Variants in KCNC4 observed in about 807,000 individuals in gnomAD.
The protein encoded by KCNC4 is voltage-gated potassium channel KCNC4.
KCNC4 carries 23 observed loss-of-function variants against 42.8 expected under a neutral mutation model. The ratio of observed to expected loss-of-function variants is 0.54; its 90% confidence interval spans 0.39 to 0.76. The LOEUF (loss-of-function observed/expected upper bound fraction) is 0.76. Ranked by LOEUF, KCNC4 falls within the 30% of genes least tolerant of loss-of-function variation. KCNC4 has a pLI of 0.00. For synonymous variants in KCNC4, 422 were observed against 393.5 expected, an observed-to-expected ratio of 1.07 and a Z score of -0.86; for missense variants, 751 against 898.2, an observed-to-expected ratio of 0.84 and a Z score of 2.10.
At chr1:110,260,078 G>A (rs1659398828) in intron 1 of KCNC4, among the ~76,000 whole-genome samples, 1 of 152,194 alleles carries the variant, frequency 6.6e-6, no homozygotes, top group Non-Finnish European at 1.5e-5. Context: ...CACTATGGGG[G>A]AAAGTGAAGA....
intron 1 of KCNC4, among the ~76,000 whole-genome samples, chr1:110,267,640 C>G (rs1659562850): frequency 6.6e-6 from 1 of 152,210 alleles, no homozygotes; most frequent in Admixed American, 6.5e-5. Context: ...ATGCGAACCT[C>G]TACATTCTGT....
chr1:110,247,549 T>TTTTTTC (rs777656109), exon 4 of KCNC4: 4,987 of 78,900 alleles, frequency 0.063, 273 homozygotes, highest in Non-Finnish European at 0.078. Flanking sequence ...AAGTCTTTTC[T>TTTTTTC]TTTTTCTTTT....
intron 3 of KCNC4, chr1:110,232,529 C>T: frequency 7.0e-7 from 1 of 1,435,158 alleles, no homozygotes; most frequent in African/African-American, 1.4e-5. Flanking sequence ...TGGTCCCTTT[C>T]TCCACTGCAC....
At chr1:110,225,550 C>T (rs575371207) in intron 2 of KCNC4, 77 of 164,700 alleles carry the variant, frequency 4.7e-4, no homozygotes, top group Non-Finnish European at 9.0e-4. Context: ...TTAACCCTTG[C>T]CGTGCCACCC....
Position 110,226,441 on chromosome 1 carries a change from C to T in KCNC4, c.1819+263C>T. 3 of 519,890 alleles carry T rather than the reference C, an allele frequency of 5.8e-6. No homozygotes were observed. In the South Asian group the frequency reaches 6.2e-5, roughly 11 times the overall value. 32.2% of individuals were successfully genotyped at this position (519,890 alleles called of 1,614,324 possible). On this transcript the variant is annotated intron_variant, in intron 3 of 3. Coordinates refer to ENST00000438661, the MANE Select transcript of KCNC4 (RefSeq NM_001039574.3). ...GCTAGAGGGTAAAGGGTGCACAAGGCCAGGGTCCCTGCCCCGTGCTTCCAT... is the reference window on the plus strand; with the variant it reads ...GCTAGAGGGTAAAGGGTGCACAAGGTCAGGGTCCCTGCCCCGTGCTTCCAT...
intron 1 of KCNC4, among the ~76,000 whole-genome samples, chr1:110,258,384 C>T (rs1012828095): frequency 2.0e-5 from 3 of 152,140 alleles, no homozygotes; most frequent in African/African-American, 4.8e-5. Flanking sequence ...ACTACAGGCA[C>T]ACGCCACCAT....
intron 1 of KCNC4, among the ~76,000 whole-genome samples, chr1:110,260,684 T>C (rs1659408102): frequency 6.6e-6 from 1 of 152,132 alleles, no homozygotes; most frequent in Non-Finnish European, 1.5e-5. Context: ...AACAATTGTC[T>C]CTTTGGGAGG....
Position 110,211,383 on chromosome 1 carries a change from G to A in KCNC4, c.-117G>A. 1 of 1,429,316 alleles carries A rather than the reference G, an allele frequency of 7.0e-7. No homozygotes were observed. The highest frequency in any genetic ancestry group is 9.3e-7 in the Non-Finnish European group (1 of 1,073,184). The allele number at this position is 1,429,316 out of a possible 1,614,324, so 88.5% of individuals were successfully genotyped here. A position where few individuals can be genotyped will look rare whatever the true frequency, so the allele number is the denominator to read the frequency against. On this transcript the variant is annotated 5_prime_UTR_variant, in exon 1 of 4. Transcript: ENST00000438661. The surrounding 1 kb of genome is among the most constrained non-coding windows in gnomAD (Gnocchi z 6.5). Reference sequence around the variant, plus strand: ...GCAAGCCCAAGCCGCAGAGGGGGCCGCCACCGCCTCCTGCCTCCTCTTCGT... The same window carrying A: ...GCAAGCCCAAGCCGCAGAGGGGGCCACCACCGCCTCCTGCCTCCTCTTCGT...
At chr1:110,254,866 T>C (rs1174757063) in intron 1 of KCNC4, among the ~76,000 whole-genome samples, 1 of 152,208 alleles carries the variant, frequency 6.6e-6, no homozygotes, top group Non-Finnish European at 1.5e-5. Context: ...AGCAGTGCTG[T>C]AGAACAGCCC....
At position 110,278,868 on chromosome 1, in the gene KCNC4, G is replaced by A. The variant is rs372926400; in HGVS notation, n.31-3666G>A. ...GTCACTGGGCTTTTCTCACTGCCAG[G>A]TTCCTCTCATTATCTGGTGAACTCT... On this transcript the variant is annotated intron_variant and non_coding_transcript_variant, in intron 1 of 2. Coordinates refer to the KCNC4 transcript ENST00000412512. Among the ~76,000 whole-genome samples the A allele has an allele frequency of 3.3e-5, 5 of 152,282 alleles. No individual in the cohort carries two copies. In the East Asian group the frequency reaches 7.7e-4, roughly 23 times the overall value.
downstream of KCNC4, chr1:110,238,254 C>G (rs1658952429): frequency 6.6e-6 from 1 of 152,176 alleles, no homozygotes. Context: ...CAGTGGTTAG[C>G]AAGCATATGC....
At position 110,257,512 on chromosome 1, in the gene KCNC4, G is replaced by A. The variant is rs550849421; in HGVS notation, n.31-25022G>A. 1.6e-4 allele frequency among the ~76,000 whole-genome samples: 24 copies of A among 151,516 alleles called. No homozygotes were observed. In the South Asian group the frequency reaches 4.4e-3, roughly 28 times the overall value. ...GGGTGGATCACGAGGTCAGGAGATCGAGACCATCCTGGCTAACATGGTGAA... is the reference window on the plus strand; with the variant it reads ...GGGTGGATCACGAGGTCAGGAGATCAAGACCATCCTGGCTAACATGGTGAA... On this transcript the variant is annotated intron_variant and non_coding_transcript_variant, in intron 1 of 2. Transcript: ENST00000412512.
At chr1:110,214,734 G>A (rs553925691) in intron 1 of KCNC4, among the ~76,000 whole-genome samples, 13 of 152,342 alleles carry the variant, frequency 8.5e-5, no homozygotes, top group Non-Finnish European at 1.5e-4. Flanking sequence ...GAACTAGGCT[G>A]TTTTTGAGGC....
chr1:110,238,907 G>A (rs1658968680), downstream of KCNC4: 2 of 152,200 alleles, frequency 1.3e-5, no homozygotes, highest in African/African-American at 4.8e-5. Context: ...TAATCAGGGA[G>A]AGAGGCCAGA....
At chr1:110,261,498 C>T (rs891352387) in intron 1 of KCNC4, among the ~76,000 whole-genome samples, 4 of 151,934 alleles carry the variant, frequency 2.6e-5, no homozygotes, top group Admixed American at 6.6e-5. Flanking sequence ...TGTTGAAATA[C>T]GAGAATTATA....
intron 3 of KCNC4, chr1:110,232,524 C>G: frequency 7.0e-7 from 1 of 1,435,364 alleles, no homozygotes; most frequent in Non-Finnish European, 9.1e-7. Flanking sequence ...AGCTATGGTC[C>G]CTTTCTCCAC....
exon 4 of KCNC4, chr1:110,245,147 A>G (rs1456917992): frequency 6.6e-6 from 1 of 152,224 alleles, no homozygotes. Flanking sequence ...CTGGAGGGGT[A>G]GGTCTGGCGG....
rs554169643 is a variant in KCNC4 at position 110,226,275 on chromosome 1, C to T, written c.1819+97C>T. On this transcript the variant is annotated intron_variant, in intron 3 of 3. Coordinates refer to ENST00000438661, the MANE Select transcript of KCNC4 (RefSeq NM_001039574.3). ...CTGAGGTCCCCCCCTCCCCTGAGAC[C>T]GTGGCCGCCATCTCCTCTGCCTTGG... 1.3e-4 allele frequency: 134 copies of T among 1,002,432 alleles called. No homozygotes were observed. The Admixed American group carries it at 2.1e-3, about 16-fold the overall frequency. 62.1% of individuals were successfully genotyped at this position (1,002,432 alleles called of 1,614,324 possible).
chr1:110,210,445 C>T lies in KCNC4; in HGVS notation c.-1055C>T, dbSNP rs555854738. Among the ~76,000 whole-genome samples, 5 of 151,664 alleles carry T rather than the reference C, an allele frequency of 3.3e-5. No individual in the cohort carries two copies. The highest frequency in any genetic ancestry group is 4.1e-4 in the South Asian group (2 of 4,824). On this transcript the variant is annotated 5_prime_UTR_variant, in exon 1 of 4. Coordinates refer to ENST00000438661, the MANE Select transcript of KCNC4 (RefSeq NM_001039574.3). ...CCCCCTGCCGCGCGCGAGCCAAGGC[C>T]GGCGCCCCGCCCGGAGATGGGCAGA... is the stretch of plus-strand genomic sequence containing the variant.
Sources: gnomAD v4.1 joint callset for allele counts (sites outside exome capture counted in the v4.1 genomes callset) on GRCh38, gnomAD v4.1.1 for gene constraint, Gnocchi (gnomAD v3.1) non-coding constraint, MANE v1.5 for transcripts, NCBI Gene and HGNC (gene_info 2026-07-23, HGNC 2026-07-21) for gene names.